EPRS1: variants seen among roughly 807,000 people sequenced by gnomAD.
EPRS1 encodes glutamyl-prolyl-tRNA synthetase 1.
EPRS1 carries 107 observed loss-of-function variants against 188.3 expected under a neutral mutation model. That is an observed-to-expected ratio of 0.57 (90% CI 0.49 to 0.67). The LOEUF (loss-of-function observed/expected upper bound fraction) is 0.67. EPRS1 is among the 30% of genes least tolerant of loss of function. EPRS1 has a pLI of 0.00. For synonymous variants in EPRS1, 596 were observed against 593.1 expected, an observed-to-expected ratio of 1.00 and a Z score of -0.07; for missense variants, 1,577 against 1,802.2, an observed-to-expected ratio of 0.88 and a Z score of 2.26.
At chr1:220,012,232 G>A (rs962357901) in intron 12 of EPRS1, among the ~76,000 whole-genome samples, 3 of 53,260 alleles carry the variant, frequency 5.6e-5, no homozygotes, top group African/African-American at 1.8e-4. Context: ...CCTTCCTTGA[G>A]GCTTAAAGTT....
intron 18 of EPRS1, among the ~76,000 whole-genome samples, chr1:219,994,146 T>C (rs565054021): frequency 6.6e-6 from 1 of 152,302 alleles, no homozygotes; most frequent in East Asian, 1.9e-4. Context: ...GAAGCCACTG[T>C]CTGTGTGGAG....
intron 6 of EPRS1, among the ~76,000 whole-genome samples, chr1:220,028,505 G>A (rs1303289993): frequency 6.6e-6 from 1 of 151,940 alleles, no homozygotes; most frequent in Non-Finnish European, 1.5e-5. Context: ...TGCTGCATGA[G>A]TTAGAACTGA....
At chr1:219,994,572 T>TA (rs1332456979) in intron 18 of EPRS1, among the ~76,000 whole-genome samples, 2 of 146,256 alleles carry the variant, frequency 1.4e-5, no homozygotes, top group African/African-American at 2.5e-5. Context: ...ACAACAACAA[T>TA]AAAAAAACAC....
intron 18 of EPRS1, among the ~76,000 whole-genome samples, chr1:219,991,978 T>C (rs932077633): frequency 2.6e-5 from 4 of 152,194 alleles, no homozygotes; most frequent in Non-Finnish European, 5.9e-5. Context: ...TAAATAGATA[T>C]AGCTGGAATT....
intron 2 of EPRS1, among the ~76,000 whole-genome samples, chr1:220,036,502 A>AT (rs1225658053): frequency 2.7e-5 from 4 of 150,126 alleles, no homozygotes; most frequent in African/African-American, 1.0e-4. Context: ...CTATGCAGCC[A>AT]TAAAAAAAAA....
In EPRS1 at chr1:219,988,598, C is replaced by T. The variant is rs1661057508; in HGVS notation, c.2767G>A (p.Ala923Thr). 6.2e-7 allele frequency: 1 copy of T among 1,607,746 alleles called. No individual in the cohort carries two copies. The highest frequency in any genetic ancestry group is 1.7e-5 in the Admixed American group (1 of 59,892). The change falls in exon 19 of 32, where the codon GCC becomes ACC. Residue 923 changes from alanine to threonine, a missense_variant. Ala to Thr is a moderately conservative substitution (Grantham distance 58). Coordinates refer to ENST00000366923, the MANE Select transcript of EPRS1 (RefSeq NM_004446.3). ...CAAAATAACACACTAACCTTAGGGG[C>T]TTTTTCAGTTTTAAGTTTCCGAACT... ...EVVRKLKTEK[A>T]PKDQVDIAVQ...
At chr1:220,032,872 CTG>C (rs148346959) in intron 4 of EPRS1, among the ~76,000 whole-genome samples, 11 of 150,654 alleles carry the variant, frequency 7.3e-5, no homozygotes, top group African/African-American at 1.2e-4. Context: ...AGTTCCACAG[CTG>C]TGTGTGTGTG....
intron 27 of EPRS1, 39 bp from the exon 28 acceptor site, chr1:219,978,758 C>T (rs1291548770): frequency 2.0e-6 from 3 of 1,538,342 alleles, no homozygotes; most frequent in Admixed American, 3.7e-5. Flanking sequence ...TGCAAAGAAA[C>T]AGATATAGAA....
At position 219,989,766 on chromosome 1, in the gene EPRS1, C is replaced by T. The variant is rs369377065; in HGVS notation, c.2542-943G>A. On this transcript the variant is annotated intron_variant, in intron 18 of 31. Transcript: ENST00000366923. ...GTTTTCTGCCTATTAGAGTGTCATA[C>T]CAGGTACCACACAAAGGTAGTAAAA... 5.3e-5 allele frequency among the ~76,000 whole-genome samples: 8 copies of T among 152,134 alleles called. No homozygotes were observed. In the East Asian group the frequency reaches 1.4e-3, roughly 26 times the overall value.
intron 19 of EPRS1, among the ~76,000 whole-genome samples, chr1:219,987,919 T>C (rs1043712022): frequency 3.3e-5 from 5 of 152,346 alleles, no homozygotes; most frequent in African/African-American, 1.2e-4. Flanking sequence ...TTAGACAATA[T>C]TGTTATAGCA....
chr1:220,007,463 A>G, intron 13 of EPRS1, 125 bp from the exon 14 acceptor site: 1 of 808,310 alleles, frequency 1.2e-6, no homozygotes, highest in East Asian at 2.7e-5. Flanking sequence ...AACTGTTAGC[A>G]GTTCATTGCT....
At chr1:220,025,819 G>T (rs1661961212) in intron 6 of EPRS1, among the ~76,000 whole-genome samples, 1 of 150,694 alleles carries the variant, frequency 6.6e-6, no homozygotes, top group Admixed American at 6.6e-5. Flanking sequence ...TTTTGAGACG[G>T]AATCTCGCTC....
chr1:220,032,742 G>A (rs932068049), intron 4 of EPRS1, among the ~76,000 whole-genome samples: 3 of 152,080 alleles, frequency 2.0e-5, no homozygotes, highest in Non-Finnish European at 2.9e-5. Flanking sequence ...AACTGAAGAC[G>A]AAAAATATGC....
intron 12 of EPRS1, chr1:220,018,126 C>A (rs1343415951): frequency 7.5e-7 from 1 of 1,332,070 alleles, no homozygotes; most frequent in African/African-American, 1.5e-5. Context: ...TAAGTAATAC[C>A]TTCTTACAGA....
At chr1:220,022,249 G>A in intron 9 of EPRS1, 98 bp downstream of exon 9, 6 of 1,072,528 alleles carry the variant, frequency 5.6e-6, no homozygotes, top group Non-Finnish European at 8.1e-6. Context: ...TGAACAAAAG[G>A]CCAGGTTTCT....
chr1:220,007,504 C>T (rs1340729264), intron 13 of EPRS1, 166 bp from the exon 14 acceptor site: 1 of 570,030 alleles, frequency 1.8e-6, no homozygotes, highest in Non-Finnish European at 3.0e-6. Flanking sequence ...TACTCTTTCT[C>T]CATCTATGTA....
chr1:220,039,822 C>T (rs566134930), intron 2 of EPRS1, among the ~76,000 whole-genome samples: 23 of 152,154 alleles, frequency 1.5e-4, no homozygotes, highest in Admixed American at 2.6e-4. Context: ...CCGGCGATGC[C>T]GAATATTTCT....
At chr1:220,031,090 CAA>C (rs11286771) in intron 5 of EPRS1, among the ~76,000 whole-genome samples, 415 of 131,200 alleles carry the variant, frequency 3.2e-3, no homozygotes, top group African/African-American at 4.3e-3. Flanking sequence ...AACTCTGTCT[CAA>C]AAAAAAAAAA....
chr1:219,981,521 A>ACCT, intron 23 of EPRS1, 64 bp from the exon 24 acceptor site: 1 of 878,934 alleles, frequency 1.1e-6, no homozygotes, highest in East Asian at 2.5e-5. Context: ...GGGATGTAAC[A>ACCT]GCTAAACCAG....
Sources: gnomAD v4.1 joint callset for allele counts (sites outside exome capture counted in the v4.1 genomes callset) on GRCh38, gnomAD v4.1.1 for gene constraint, MANE v1.5 for transcripts, NCBI Gene and HGNC (gene_info 2026-07-23, HGNC 2026-07-21) for gene names.